Variants in SLC25A21 observed in about 807,000 individuals in gnomAD.
SLC25A21 encodes the protein mitochondrial 2-oxodicarboxylate carrier.
SLC25A21 carries 47 observed loss-of-function variants against 43.8 expected under a neutral mutation model. That is an observed-to-expected ratio of 1.07 (90% CI 0.85 to 1.37). The LOEUF (loss-of-function observed/expected upper bound fraction) is 1.37, where lower values mean the gene tolerates loss of function less well. Ranked by LOEUF, SLC25A21 falls within the 40% of genes most tolerant of loss-of-function variation. The pLI, the probability that SLC25A21 is intolerant of heterozygous loss-of-function variation, is 0.00. For missense variants in SLC25A21, 352 were observed against 350.2 expected (o/e 1.00, Z -0.04); for synonymous variants, 131 against 121.3 (o/e 1.08, Z -0.52).
intron 3 of SLC25A21, among the ~76,000 whole-genome samples, chr14:36,753,165 G>T (rs982554205): frequency 2.6e-5 from 4 of 152,124 alleles, no homozygotes; most frequent in Non-Finnish European, 1.5e-5. Context: ...TTGCACAACA[G>T]TGTGAATTAT....
intron 1 of SLC25A21, among the ~76,000 whole-genome samples, chr14:37,000,318 T>C (rs1566803991): frequency 2.0e-5 from 3 of 152,034 alleles, no homozygotes. Flanking sequence ...TTCTAAATAT[T>C]CCCCCGTTTT....
At chr14:37,129,774 T>C (rs1963361599) in intron 1 of SLC25A21, among the ~76,000 whole-genome samples, 2 of 151,868 alleles carry the variant, frequency 1.3e-5, no homozygotes, top group Non-Finnish European at 2.9e-5. Flanking sequence ...AACTATATTA[T>C]AGGGCTTCAA....
intron 7 of SLC25A21, among the ~76,000 whole-genome samples, chr14:36,685,208 T>C (rs189550306): frequency 3.0e-4 from 46 of 152,332 alleles, no homozygotes; most frequent in African/African-American, 1.0e-3. Context: ...TGGGGATGAT[T>C]TGTATAATTG....
chr14:37,100,068 GT>G lies in SLC25A21; in HGVS notation c.70+72212del, dbSNP rs1281634848. Among the ~76,000 whole-genome samples, 9 of 150,486 alleles carry G rather than the reference GT, an allele frequency of 6.0e-5. No homozygotes were observed. The South Asian group carries it at 1.3e-3, about 21-fold the overall frequency. On this transcript the variant is annotated intron_variant, in intron 1 of 9. Coordinates refer to ENST00000331299, the MANE Select transcript of SLC25A21 (RefSeq NM_030631.4). Reference sequence around the variant, plus strand: ...TTTGTTTGTTTGTTTGTTTTCTTTTGTTTTTTTTGAGATGGAGTCTCACTCT... The same window carrying G: ...TTTGTTTGTTTGTTTGTTTTCTTTTGTTTTTTTGAGATGGAGTCTCACTCT...
At position 36,967,161 on chromosome 14, in the gene SLC25A21, A is replaced by T. The variant is rs1455968852; in HGVS notation, c.71-92157T>A. On this transcript the variant is annotated intron_variant, in intron 1 of 9. Transcript: ENST00000331299. The stretch of plus-strand genomic sequence containing the variant: ...TGTAGGTCTACATACATCACTACTA[A>T]CTGAAGATCAATGGTATTTCTGTCT... 6.6e-5 allele frequency among the ~76,000 whole-genome samples: 10 copies of T among 152,272 alleles called. No individual in the cohort carries two copies. In the East Asian group the frequency reaches 1.9e-3, roughly 29 times the overall value.
chr14:36,679,727 C>T lies in SLC25A21; in HGVS notation c.*931G>A, dbSNP rs916784286. 23 of 985,262 alleles carry T rather than the reference C, an allele frequency of 2.3e-5. No homozygotes were observed. Among genetic ancestry groups the T allele is most frequent in the Non-Finnish European group, 2.8e-5 (23 of 829,914 alleles). The allele number at this position is 985,262 out of a possible 1,614,324, so 61.0% of individuals were successfully genotyped here. Reference sequence around the variant, plus strand: ...ATGCAGTTCTGTTCTATACATTCTTCCTAAAAATGGCACAGGTAGGCATGC... The same window carrying T: ...ATGCAGTTCTGTTCTATACATTCTTTCTAAAAATGGCACAGGTAGGCATGC... On this transcript the variant is annotated 3_prime_UTR_variant, in exon 10 of 10. Transcript: ENST00000331299.
intron 1 of SLC25A21, among the ~76,000 whole-genome samples, chr14:36,896,914 A>G (rs945345129): frequency 6.6e-6 from 1 of 152,182 alleles, no homozygotes; most frequent in African/African-American, 2.4e-5. Flanking sequence ...ATCAGCTGTT[A>G]GTCTGATGGG....
At chr14:37,097,396 G>A (rs1015449207) in intron 1 of SLC25A21, among the ~76,000 whole-genome samples, 3 of 151,894 alleles carry the variant, frequency 2.0e-5, no homozygotes, top group Non-Finnish European at 2.9e-5. Context: ...CACCGCACTC[G>A]GCCAAATGTG....
intron 2 of SLC25A21, among the ~76,000 whole-genome samples, chr14:36,830,848 G>C (rs1889015195): frequency 6.6e-6 from 1 of 152,054 alleles, no homozygotes; most frequent in South Asian, 2.1e-4. Flanking sequence ...CAAAGTGGCA[G>C]AGGGTTATCT....
intron 1 of SLC25A21, chr14:37,171,953 ATAGG>A (rs531700574): frequency 4.7e-4 from 172 of 364,312 alleles, no homozygotes; most frequent in Middle Eastern, 7.6e-4. Flanking sequence ...TTCAAGTAAA[ATAGG>A]TAGCAAGGCA....
At chr14:36,858,827 T>A (rs1889980910) in intron 2 of SLC25A21, among the ~76,000 whole-genome samples, 1 of 152,198 alleles carries the variant, frequency 6.6e-6, no homozygotes, top group African/African-American at 2.4e-5. Flanking sequence ...AAACAATAGC[T>A]CTTTTCCAAT....
intron 1 of SLC25A21, among the ~76,000 whole-genome samples, chr14:37,163,135 C>T (rs149274064): frequency 7.6e-6 from 1 of 132,242 alleles, no homozygotes; most frequent in African/African-American, 2.9e-5. Context: ...ACTCTGGGGA[C>T]AGTTGTGGGG....
At chr14:37,127,090 G>T (rs1315029026) in intron 1 of SLC25A21, among the ~76,000 whole-genome samples, 1 of 152,136 alleles carries the variant, frequency 6.6e-6, no homozygotes, top group Non-Finnish European at 1.5e-5. Flanking sequence ...AAAGGAAAAA[G>T]AAGAAAGTGA....
chr14:36,856,668 C>T (rs968083491), intron 2 of SLC25A21, among the ~76,000 whole-genome samples: 2 of 152,180 alleles, frequency 1.3e-5, no homozygotes, highest in Admixed American at 6.5e-5. Flanking sequence ...AAGCTCCACC[C>T]GCCCTGGCAC....
At chr14:36,862,380 C>A (rs1213535652) in intron 2 of SLC25A21, among the ~76,000 whole-genome samples, 1 of 152,170 alleles carries the variant, frequency 6.6e-6, no homozygotes, top group African/African-American at 2.4e-5. Context: ...CAATGACAGA[C>A]TGGATTAAGC....
chr14:36,978,188 C>T (rs1959926118), intron 1 of SLC25A21, among the ~76,000 whole-genome samples: 1 of 152,102 alleles, frequency 6.6e-6, no homozygotes. Flanking sequence ...AATTCTAAGG[C>T]AGCAATTTTG....
intron 1 of SLC25A21, among the ~76,000 whole-genome samples, chr14:36,901,292 T>G (rs1340837736): frequency 2.0e-5 from 3 of 152,140 alleles, no homozygotes; most frequent in Non-Finnish European, 4.4e-5. Flanking sequence ...TAGAAAAGGT[T>G]AAATAAACAA....
At chr14:36,781,803 A>C (rs1195510168) in intron 3 of SLC25A21, among the ~76,000 whole-genome samples, 1 of 152,184 alleles carries the variant, frequency 6.6e-6, no homozygotes, top group East Asian at 1.9e-4. Context: ...GAGTATTCTG[A>C]ATTTGACTAT....
chr14:36,857,560 C>T (rs572547421), intron 2 of SLC25A21, among the ~76,000 whole-genome samples: 17 of 152,312 alleles, frequency 1.1e-4, no homozygotes, highest in Middle Eastern at 6.8e-3. Flanking sequence ...ACTAAATGAC[C>T]AGTGAACAAA....
Sources: allele counts gnomAD v4.1 joint callset (sites outside exome capture counted in the v4.1 genomes callset), GRCh38; gene constraint gnomAD v4.1.1; transcripts MANE v1.5; gene names NCBI Gene and HGNC (gene_info 2026-07-23, HGNC 2026-07-21).